ADGRL2: variants seen among roughly 807,000 people sequenced by gnomAD.
ADGRL2 encodes the protein calcium-independent alpha-latrotoxin receptor 2.
Under a neutral mutation model 157.4 loss-of-function variants are expected in ADGRL2, and 44 were observed. The observed-to-expected ratio is 0.28, with a 90% CI of 0.22 to 0.36. ADGRL2 has a LOEUF of 0.36. Ranked by LOEUF, ADGRL2 falls within the 10% of genes least tolerant of loss-of-function variation. ADGRL2 has a pLI of 1.00. For missense variants in ADGRL2, 1,510 were observed against 1,768.9 expected, an observed-to-expected ratio of 0.85 and a Z score of 2.63; for synonymous variants, 585 against 624.7, an observed-to-expected ratio of 0.94 and a Z score of 0.95.
chr1:81,869,249 T>C (rs2150969951), intron 2 of ADGRL2, among the ~76,000 whole-genome samples: 1 of 152,216 alleles, frequency 6.6e-6, no homozygotes, highest in African/African-American at 2.4e-5. Flanking sequence ...TCTTTCCTTT[T>C]CACCTTCGAA....
At chr1:81,579,674 T>C (rs1273621343) in intron 2 of ADGRL2, among the ~76,000 whole-genome samples, 2 of 152,176 alleles carry the variant, frequency 1.3e-5, no homozygotes, top group African/African-American at 4.8e-5. Context: ...CAGAATATGC[T>C]ATTTTAAGCA....
chr1:81,624,320 C>T (rs2081862563), intron 3 of ADGRL2, among the ~76,000 whole-genome samples: 1 of 152,162 alleles, frequency 6.6e-6, no homozygotes, highest in Non-Finnish European at 1.5e-5. Context: ...GTGGCTCACG[C>T]CTGTAATCCC....
At chr1:81,762,699 T>C (rs12066867) in intron 2 of ADGRL2, among the ~76,000 whole-genome samples, 5,273 of 152,166 alleles carry the variant, frequency 0.035, 267 homozygotes, top group African/African-American at 0.11. Flanking sequence ...ACATGTTGTG[T>C]GCATGTGCGC....
chr1:81,556,551 C>A (rs1322097052), intron 2 of ADGRL2, among the ~76,000 whole-genome samples: 2 of 151,410 alleles, frequency 1.3e-5, no homozygotes, highest in Non-Finnish European at 2.9e-5. Context: ...AATTAAAAAA[C>A]AAGCAAAACC....
intron 3 of ADGRL2, among the ~76,000 whole-genome samples, chr1:81,684,520 AT>A (rs1392469666): frequency 2.0e-5 from 3 of 152,062 alleles, no homozygotes; most frequent in Non-Finnish European, 2.9e-5. Flanking sequence ...TTCATTGTAG[AT>A]TCTGGATATT....
intron 3 of ADGRL2, among the ~76,000 whole-genome samples, chr1:81,684,423 T>C (rs954355292): frequency 6.6e-6 from 1 of 152,358 alleles, no homozygotes; most frequent in Non-Finnish European, 1.5e-5. Flanking sequence ...TCACCGTTTG[T>C]ATATCTTCTT....
chr1:81,443,720 A>G (rs2077550440), intron 1 of ADGRL2, among the ~76,000 whole-genome samples: 1 of 152,222 alleles, frequency 6.6e-6, no homozygotes, highest in Non-Finnish European at 1.5e-5. Flanking sequence ...GCTTTGAGAA[A>G]TTGTAACTGC....
At chr1:81,472,563 G>T (rs12726428) in intron 2 of ADGRL2, among the ~76,000 whole-genome samples, 21,929 of 152,048 alleles carry the variant, frequency 0.14, 1,654 homozygotes, top group East Asian at 0.21. Flanking sequence ...CCAGGGAGGT[G>T]GGGGGAGGTT....
intron 1 of ADGRL2, among the ~76,000 whole-genome samples, chr1:81,410,691 T>A (rs2076931947): frequency 6.6e-6 from 1 of 152,246 alleles, no homozygotes; most frequent in Non-Finnish European, 1.5e-5. Context: ...ATTTGTATAG[T>A]ATTAGCACAT....
At chr1:81,431,005 G>C (rs758909136) in intron 1 of ADGRL2, among the ~76,000 whole-genome samples, 2 of 152,194 alleles carry the variant, frequency 1.3e-5, no homozygotes, top group Non-Finnish European at 2.9e-5. Flanking sequence ...TAAAAAAGGA[G>C]TAGTAAAATT....
At chr1:81,758,548 T>C (rs901225234) in intron 1 of ADGRL2, among the ~76,000 whole-genome samples, 1 of 152,220 alleles carries the variant, frequency 6.6e-6, no homozygotes, top group African/African-American at 2.4e-5. Flanking sequence ...TGCAGTTCAT[T>C]GCTAGGTTTC....
At chr1:81,451,972 C>T (rs916831659) in intron 2 of ADGRL2, among the ~76,000 whole-genome samples, 1 of 152,168 alleles carries the variant, frequency 6.6e-6, no homozygotes, top group Non-Finnish European at 1.5e-5. Flanking sequence ...TGTACAACTT[C>T]TGTGCGTTCT....
chr1:81,526,871 G>A (rs931961304), intron 2 of ADGRL2, among the ~76,000 whole-genome samples: 3 of 152,190 alleles, frequency 2.0e-5, no homozygotes, highest in African/African-American at 7.2e-5. Context: ...CAAGGGCAGA[G>A]CTAACACAAG....
rs1664516325 is a variant in ADGRL2, at chr1:81,991,049, C to T, written c.4314C>T (p.Gly1438=). ...QLQMCYQISR[G]NSDGYIIPIN... ...AGATGTGCTACCAGATCAGCAGGGG[C>T]AATAGTGATGGTTATATAATCCCCA... is the stretch of plus-strand genomic sequence containing the variant. Residue 1438 remains glycine (G), a synonymous_variant, in exon 24 of 24, where the codon GGC becomes GGT. Transcript: ENST00000686636. The T allele has an allele frequency of 6.2e-7, 1 of 1,613,582 alleles. No homozygotes were observed. The highest frequency in any genetic ancestry group is 1.1e-5 in the South Asian group (1 of 91,076).
chr1:81,766,374 C>A (rs975360461), intron 2 of ADGRL2, among the ~76,000 whole-genome samples: 1 of 151,878 alleles, frequency 6.6e-6, no homozygotes, highest in African/African-American at 2.4e-5. Flanking sequence ...TGATTTATTG[C>A]CATTTTATAT....
At chr1:81,782,363 T>C (rs762503544) in intron 2 of ADGRL2, among the ~76,000 whole-genome samples, 5 of 152,164 alleles carry the variant, frequency 3.3e-5, no homozygotes, top group Non-Finnish European at 7.4e-5. Flanking sequence ...ATCGTATTAT[T>C]TTATCAGTAT....
At chr1:81,717,411 C>G (rs927219807) in intron 1 of ADGRL2, among the ~76,000 whole-genome samples, 1 of 152,170 alleles carries the variant, frequency 6.6e-6, no homozygotes, top group African/African-American at 2.4e-5. Flanking sequence ...CAGTGAGACA[C>G]AGATCATATG....
chr1:81,440,737 C>T (rs899131217), intron 1 of ADGRL2, among the ~76,000 whole-genome samples: 4 of 152,154 alleles, frequency 2.6e-5, no homozygotes, highest in Admixed American at 2.6e-4. Flanking sequence ...TTAATAGCAA[C>T]CCAATTTCTT....
chr1:81,538,430 A>G (rs1455546704), intron 2 of ADGRL2, among the ~76,000 whole-genome samples: 1 of 152,164 alleles, frequency 6.6e-6, no homozygotes, highest in East Asian at 1.9e-4. Context: ...ATTAGCCAGC[A>G]GGGGGAAAAA....
Sources: allele counts gnomAD v4.1 joint callset (sites outside exome capture counted in the v4.1 genomes callset), GRCh38; gene constraint gnomAD v4.1.1; transcripts MANE v1.5; gene names NCBI Gene and HGNC (gene_info 2026-07-23, HGNC 2026-07-21).